The following GRID1 variants were observed in gnomAD, a reference collection of about 807,000 sequenced individuals.
The protein encoded by GRID1 is glutamate ionotropic receptor delta type subunit 1, also known as glutamate receptor ionotropic, delta-1.
In GRID1, 28 loss-of-function variants were observed where a neutral mutation model predicts 98.0. That is an observed-to-expected ratio of 0.29 (90% CI 0.21 to 0.39). The LOEUF is 0.39. Among genes scored for constraint, GRID1 ranks in the 10% least tolerant of loss-of-function variants. GRID1 has a pLI of 1.00. For synonymous variants in GRID1, 553 were observed against 538.5 expected, an observed-to-expected ratio of 1.03 and a Z score of -0.37; for missense variants, 1,111 against 1,340.5, an observed-to-expected ratio of 0.83 and a Z score of 2.67.
At chr10:85,879,579 C>A (rs1406877002) in intron 5 of GRID1, among the ~76,000 whole-genome samples, 2 of 151,930 alleles carry the variant, frequency 1.3e-5, no homozygotes, top group African/African-American at 4.8e-5. Context: ...CCAACGAGAA[C>A]AAAGACAAAA....
intron 8 of GRID1, among the ~76,000 whole-genome samples, chr10:85,838,989 G>T (rs1842937168): frequency 6.6e-6 from 1 of 152,168 alleles, no homozygotes. Flanking sequence ...AGCAGAGGTT[G>T]TAATCCTTGT....
At chr10:86,017,267 A>G (rs1842991626) in intron 4 of GRID1, among the ~76,000 whole-genome samples, 1 of 152,252 alleles carries the variant, frequency 6.6e-6, no homozygotes, top group Admixed American at 6.5e-5. Flanking sequence ...GTAAGTATCA[A>G]GAGACATGTA....
intron 8 of GRID1, among the ~76,000 whole-genome samples, chr10:85,782,691 C>A (rs546590102): frequency 6.6e-6 from 1 of 152,324 alleles, no homozygotes; most frequent in Non-Finnish European, 1.5e-5. Flanking sequence ...AGTGCAAAGG[C>A]CCTGACGTAG....
At chr10:86,345,037 C>G (rs1848362895) in intron 2 of GRID1, among the ~76,000 whole-genome samples, 1 of 152,170 alleles carries the variant, frequency 6.6e-6, no homozygotes, top group African/African-American at 2.4e-5. Flanking sequence ...GGAATGAGCC[C>G]CAGTGGCCCA....
intron 13 of GRID1, among the ~76,000 whole-genome samples, chr10:85,641,180 G>T (rs1843112071): frequency 6.6e-6 from 1 of 152,140 alleles, no homozygotes; most frequent in African/African-American, 2.4e-5. Context: ...TATGCTGGAT[G>T]TTGCTTGATG....
In GRID1 at chr10:85,859,495, C is replaced by CA. The variant is rs367559944; in HGVS notation, c.952-3306dup. Among the ~76,000 whole-genome samples, 881 of 152,066 alleles carry CA rather than the reference C, an allele frequency of 5.8e-3. 9 individuals are homozygous for CA. Among genetic ancestry groups the CA allele is most frequent in the African/African-American group, 0.02 (834 of 41,468 alleles). On this transcript the variant is annotated intron_variant, in intron 6 of 15. Coordinates refer to ENST00000327946, the MANE Select transcript of GRID1 (RefSeq NM_017551.3). ...GAAGGCATACACTAACCATGTTTTA[C>CA]AAAAAAGAGAAATTATAGAAAATGG...
At chr10:85,710,750 C>G (rs541008850) in intron 12 of GRID1, among the ~76,000 whole-genome samples, 89 of 152,050 alleles carry the variant, frequency 5.9e-4, no homozygotes, top group African/African-American at 2.1e-3. Context: ...AGAACCCCTT[C>G]AACTTAATAA....
chr10:85,614,380 T>C (rs191665114), intron 14 of GRID1, among the ~76,000 whole-genome samples: 1 of 152,332 alleles, frequency 6.6e-6, no homozygotes, highest in Admixed American at 6.5e-5. Context: ...ACAGCTCACA[T>C]GGGTCTAGCA....
rs150788457 is a variant in GRID1 at position 86,209,395 on chromosome 10, A to G, written c.236-2747T>C. On this transcript the variant is annotated intron_variant, in intron 2 of 15. Transcript: ENST00000327946. ...CACAGTATTCTCAGGACATTTGTGT[A>G]GAGTAGGTATCATTGCATCCATTTT... is the stretch of plus-strand genomic sequence containing the variant. Among the ~76,000 whole-genome samples the G allele has an allele frequency of 1.4e-4, 21 of 152,362 alleles. No individual in the cohort carries two copies. In the East Asian group the frequency reaches 4.0e-3, roughly 29 times the overall value.
chr10:85,777,457 A>C (rs1427211024), intron 8 of GRID1, among the ~76,000 whole-genome samples: 1 of 152,332 alleles, frequency 6.6e-6, no homozygotes, highest in East Asian at 1.9e-4. Context: ...ACCTGGGCTT[A>C]TGATTTAAGT....
At chr10:86,189,554 C>T (rs1407960052) in intron 3 of GRID1, among the ~76,000 whole-genome samples, 1 of 152,010 alleles carries the variant, frequency 6.6e-6, no homozygotes, top group East Asian at 1.9e-4. Flanking sequence ...CCACTCTATT[C>T]CACAAACTGC....
intron 2 of GRID1, among the ~76,000 whole-genome samples, chr10:86,350,383 G>A (rs1078790): frequency 0.27 from 40,341 of 152,126 alleles, 7,132 homozygotes; most frequent in East Asian, 0.5. Flanking sequence ...GCAGAGGCAG[G>A]GGGACACGGG....
At position 85,998,788 on chromosome 10, in the gene GRID1, A is replaced by G. The variant is rs540169570; in HGVS notation, c.727-82549T>C. ...GAGAAAGAAAAGACACAAATAACCA[A>G]TTTTAGAAAAGTAAGATAAAACATC... On this transcript the variant is annotated intron_variant, in intron 4 of 15. Coordinates refer to ENST00000327946, the MANE Select transcript of GRID1 (RefSeq NM_017551.3). 9.2e-5 allele frequency among the ~76,000 whole-genome samples: 14 copies of G among 152,344 alleles called. No homozygotes were observed. The East Asian group carries it at 2.7e-3, about 29-fold the overall frequency.
At chr10:86,240,228 ACTGTAC>A (rs1218500182) in intron 2 of GRID1, among the ~76,000 whole-genome samples, 3 of 152,218 alleles carry the variant, frequency 2.0e-5, no homozygotes, top group African/African-American at 7.2e-5. Context: ...AGAAGCGGAC[ACTGTAC>A]CTGAGGCCCA....
chr10:85,665,531 C>A (rs117613542), intron 12 of GRID1, among the ~76,000 whole-genome samples: 8 of 152,090 alleles, frequency 5.3e-5, no homozygotes, highest in Non-Finnish European at 1.2e-4. Flanking sequence ...CAGAGTCTGG[C>A]CCTGCCACAT....
At chr10:86,158,627 G>A (rs1229253944) in intron 3 of GRID1, among the ~76,000 whole-genome samples, 9 of 152,182 alleles carry the variant, frequency 5.9e-5, no homozygotes, top group African/African-American at 2.2e-4. Flanking sequence ...AATCTGGGAG[G>A]CCATGGGATG....
chr10:86,149,911 A>G (rs1467365233), intron 3 of GRID1, among the ~76,000 whole-genome samples: 1 of 152,218 alleles, frequency 6.6e-6, no homozygotes, highest in Admixed American at 6.5e-5. Context: ...TCCCACTGCA[A>G]TAAATAGTCC....
chr10:86,057,991 A>G (rs969137579), intron 4 of GRID1, among the ~76,000 whole-genome samples: 8 of 152,166 alleles, frequency 5.3e-5, no homozygotes, highest in African/African-American at 1.9e-4. Context: ...GAAATGGAGG[A>G]TCCATTGTGT....
chr10:85,734,039 T>C (rs1841853002), intron 8 of GRID1, among the ~76,000 whole-genome samples: 1 of 152,176 alleles, frequency 6.6e-6, no homozygotes, highest in Admixed American at 6.5e-5. Flanking sequence ...CAAAACTGCA[T>C]GATAGGGGAG....
Sources: gnomAD v4.1 joint callset for allele counts (sites outside exome capture counted in the v4.1 genomes callset) on GRCh38, gnomAD v4.1.1 for gene constraint, MANE v1.5 for transcripts, NCBI Gene and HGNC (gene_info 2026-07-23, HGNC 2026-07-21) for gene names.